The following CDH4 variants were observed in gnomAD, a reference collection of about 807,000 sequenced individuals.
CDH4 encodes cadherin-4.
In CDH4, 33 loss-of-function variants were observed where a neutral mutation model predicts 86.0. That is an observed-to-expected ratio of 0.38 (90% CI 0.29 to 0.51). The LOEUF is 0.51. Ranked by LOEUF, CDH4 falls within the 20% of genes least tolerant of loss-of-function variation. The pLI is 0.86. For missense variants in CDH4, 1,114 were observed against 1,307.4 expected (o/e 0.85, Z 2.28); for synonymous variants, 555 against 549.4 (o/e 1.01, Z -0.14).
In CDH4 at chr20:61,924,493, G is replaced by A. The variant is rs750649552; in HGVS notation, c.1771+17G>A. On this transcript the variant is annotated intron_variant, in intron 11 of 15. Transcript: ENST00000614565. ...CTGACAATGGTGCGGCCCACCCCAG[G>A]GAGGCAGCCGTCTCGGTGGCCTTCC... 1 of 1,608,356 alleles carries A rather than the reference G, an allele frequency of 6.2e-7. No individual in the cohort carries two copies. The highest frequency in any genetic ancestry group is 1.7e-5 in the Admixed American group (1 of 59,446).
intron 2 of CDH4, among the ~76,000 whole-genome samples, chr20:61,496,697 T>A (rs1281206456): frequency 6.6e-6 from 1 of 152,216 alleles, no homozygotes; most frequent in East Asian, 1.9e-4. Context: ...ATGCAGAACA[T>A]CATTCTAGAA....
chr20:61,802,795 T>A (rs1458006272), intron 4 of CDH4, among the ~76,000 whole-genome samples: 1 of 152,190 alleles, frequency 6.6e-6, no homozygotes, highest in Non-Finnish European at 1.5e-5. Context: ...GAACCGGGCC[T>A]TCCCACCACG....
intron 2 of CDH4, among the ~76,000 whole-genome samples, chr20:61,615,176 G>T (rs2086715692): frequency 6.6e-6 from 1 of 151,792 alleles, no homozygotes; most frequent in Non-Finnish European, 1.5e-5. Flanking sequence ...AGTCTGGAGT[G>T]CAGTGCATAA....
At chr20:61,364,890 C>A (rs567949200) in intron 2 of CDH4, among the ~76,000 whole-genome samples, 1 of 152,246 alleles carries the variant, frequency 6.6e-6, no homozygotes, top group Admixed American at 6.5e-5. Flanking sequence ...GAAATGCAGA[C>A]CCTCAGGCCC....
intron 2 of CDH4, among the ~76,000 whole-genome samples, chr20:61,686,550 CGTGTAT>C (rs1160600726): frequency 4.8e-5 from 7 of 146,194 alleles, no homozygotes; most frequent in African/African-American, 1.8e-4. Context: ...TGTGCATTCG[CGTGTAT>C]GTGCATGTGC....
At chr20:61,632,782 G>A (rs138057278) in intron 2 of CDH4, among the ~76,000 whole-genome samples, 1 of 142,174 alleles carries the variant, frequency 7.0e-6, no homozygotes, top group African/African-American at 2.7e-5. Flanking sequence ...CCACTGACCC[G>A]TCTGCCTATC....
At chr20:61,364,098 G>GAA (rs1769489083) in intron 2 of CDH4, among the ~76,000 whole-genome samples, 2 of 152,194 alleles carry the variant, frequency 1.3e-5, no homozygotes, top group Non-Finnish European at 2.9e-5. Flanking sequence ...TATGCCATCT[G>GAA]AAGCAAGGAC....
chr20:61,660,901 C>T (rs953755005), intron 2 of CDH4, among the ~76,000 whole-genome samples: 2 of 152,190 alleles, frequency 1.3e-5, no homozygotes, highest in Admixed American at 6.5e-5. Flanking sequence ...CTTACCGGGA[C>T]TCATGGTCCC....
chr20:61,256,008 A>G (rs1361562852), intron 2 of CDH4, among the ~76,000 whole-genome samples: 1 of 152,194 alleles, frequency 6.6e-6, no homozygotes, highest in Non-Finnish European at 1.5e-5. Flanking sequence ...AAAATAAAAA[A>G]TCTCTAGGCA....
chr20:61,345,293 CT>C (rs2084672203), intron 2 of CDH4, among the ~76,000 whole-genome samples: 1 of 152,230 alleles, frequency 6.6e-6, no homozygotes, highest in Non-Finnish European at 1.5e-5. Context: ...TTCTTCTCTA[CT>C]TTCTCACCTG....
In CDH4 at chr20:61,811,505, C is replaced by T. The variant is rs1033752118; in HGVS notation, c.577-33163C>T. On this transcript the variant is annotated intron_variant, in intron 4 of 15. Coordinates refer to ENST00000614565, the MANE Select transcript of CDH4 (RefSeq NM_001794.5). The surrounding 1 kb of genome is among the most constrained non-coding windows in gnomAD (Gnocchi z 4.4). The stretch of plus-strand genomic sequence containing the variant: ...GAAGCTCATTTCAGAGCAGTGGAAT[C>T]AACCAGTTAGAAATGGGAAAATGGT... Among the ~76,000 whole-genome samples the T allele has an allele frequency of 6.6e-6, 1 of 152,156 alleles. No homozygotes were observed. Among genetic ancestry groups the T allele is most frequent in the African/African-American group, 2.4e-5 (1 of 41,430 alleles).
At chr20:61,799,680 G>A (rs1253821992) in intron 4 of CDH4, among the ~76,000 whole-genome samples, 2 of 152,210 alleles carry the variant, frequency 1.3e-5, no homozygotes, top group African/African-American at 2.4e-5. Flanking sequence ...GGGCTGTTGA[G>A]CTGGGCCCAG....
At chr20:61,633,071 CATCT>C (rs1222180623) in intron 2 of CDH4, among the ~76,000 whole-genome samples, 1 of 151,440 alleles carries the variant, frequency 6.6e-6, no homozygotes, top group Non-Finnish European at 1.5e-5. Flanking sequence ...TTCACCCATC[CATCT>C]ATCCATCTAT....
chr20:61,732,959 G>A (rs59268138), intron 2 of CDH4, among the ~76,000 whole-genome samples: 3,948 of 152,246 alleles, frequency 0.026, 211 homozygotes, highest in African/African-American at 0.089. Context: ...CTTCAGCACC[G>A]GCTAGAGTGA....
intron 2 of CDH4, among the ~76,000 whole-genome samples, chr20:61,498,505 T>C (rs2085678292): frequency 6.6e-6 from 1 of 152,180 alleles, no homozygotes; most frequent in South Asian, 2.1e-4. Flanking sequence ...AAATCCACTC[T>C]TAATATAAAA....
intron 2 of CDH4, among the ~76,000 whole-genome samples, chr20:61,647,517 C>A (rs1360556538): frequency 1.7e-5 from 2 of 121,008 alleles, no homozygotes; most frequent in Admixed American, 8.1e-5. Flanking sequence ...TCAGTATGCA[C>A]ACACATATTC....
In CDH4 at chr20:61,744,081, T is replaced by C. The variant is rs1405150291; in HGVS notation, c.396+292T>C. On this transcript the variant is annotated intron_variant, in intron 3 of 15. Coordinates refer to ENST00000614565, the MANE Select transcript of CDH4 (RefSeq NM_001794.5). ...TGTTTTTGAACAAGGGGCCCCAAAT[T>C]TTCATTTCAAACTGGGCACTGCAAA... Among the ~76,000 whole-genome samples, 5 of 152,180 alleles carry C rather than the reference T, an allele frequency of 3.3e-5. No individual in the cohort carries two copies. In the East Asian group the frequency reaches 9.6e-4, roughly 29 times the overall value.
At chr20:61,793,627 G>C (rs1979338299) in intron 4 of CDH4, among the ~76,000 whole-genome samples, 1 of 151,786 alleles carries the variant, frequency 6.6e-6, no homozygotes, top group Non-Finnish European at 1.5e-5. Flanking sequence ...GGATCACGAG[G>C]TCAGGAGTTC....
At chr20:61,414,682 C>T (rs2085137336) in intron 2 of CDH4, among the ~76,000 whole-genome samples, 1 of 152,192 alleles carries the variant, frequency 6.6e-6, no homozygotes, top group African/African-American at 2.4e-5. Flanking sequence ...GCAGAGAGCT[C>T]ATCCTGTCCT....
Sources: allele counts gnomAD v4.1 joint callset (sites outside exome capture counted in the v4.1 genomes callset), GRCh38; gene constraint gnomAD v4.1.1; non-coding constraint Gnocchi (gnomAD v3.1); transcripts MANE v1.5; gene names NCBI Gene and HGNC (gene_info 2026-07-23, HGNC 2026-07-21).